Variants in PDCD1LG2 observed in about 807,000 individuals in gnomAD.
PDCD1LG2 encodes programmed cell death 1 ligand 2.
PDCD1LG2 carries 32 observed loss-of-function variants against 28.2 expected under a neutral mutation model. That is an observed-to-expected ratio of 1.13 (90% CI 0.86 to 1.52). The LOEUF (loss-of-function observed/expected upper bound fraction) is 1.52. PDCD1LG2 is among the 40% of genes most tolerant of loss of function. The pLI, the probability that PDCD1LG2 is intolerant of heterozygous loss-of-function variation, is 0.00. For synonymous variants in PDCD1LG2, 116 were observed against 120.2 expected (o/e 0.97, Z 0.23); for missense variants, 385 against 323.8 (o/e 1.19, Z -1.45).
chr9:5,516,968 G>A (rs539674592), intron 1 of PDCD1LG2, among the ~76,000 whole-genome samples: 15 of 152,276 alleles, frequency 9.9e-5, no homozygotes, highest in South Asian at 8.3e-4. Flanking sequence ...TTCCCACCCC[G>A]CCAACTCAGT....
In PDCD1LG2 at chr9:5,516,268, G is replaced by A. The variant is rs370515704; in HGVS notation, c.-15+5465G>A. Among the ~76,000 whole-genome samples, 15 of 152,272 alleles carry A rather than the reference G, an allele frequency of 9.9e-5. No homozygotes were observed. The East Asian group carries it at 2.7e-3, about 28-fold the overall frequency. ...GGGTTTCGCCATGTTGGCCAGGCTG[G>A]TCTCAAACTCCTGACCTCGTGATTT... On this transcript the variant is annotated intron_variant, in intron 1 of 6. Transcript: ENST00000397747.
intron 2 of PDCD1LG2, among the ~76,000 whole-genome samples, chr9:5,531,262 G>T (rs758946086): frequency 6.6e-6 from 1 of 152,160 alleles, no homozygotes; most frequent in Non-Finnish European, 1.5e-5. Context: ...TCAGTGTCTT[G>T]ATTGCCTCTG....
At chr9:5,540,215 C>G (rs12685805) in intron 3 of PDCD1LG2, among the ~76,000 whole-genome samples, 23,567 of 152,040 alleles carry the variant, frequency 0.16, 2,404 homozygotes, top group African/African-American at 0.27. Context: ...CCTATCAAAA[C>G]TCTGGGATAC....
intron 4 of PDCD1LG2, among the ~76,000 whole-genome samples, chr9:5,555,848 G>A (rs558649904): frequency 6.4e-4 from 98 of 152,300 alleles, no homozygotes; most frequent in Non-Finnish European, 1.1e-3. Flanking sequence ...TAACTATAGG[G>A]GAGGCTTGGA....
rs1472571613 is a variant in PDCD1LG2, at chr9:5,535,051, G to A, written c.361+1G>A. On this transcript the variant is annotated splice_donor_variant, in intron 3 of 6. Coordinates refer to ENST00000397747, the MANE Select transcript of PDCD1LG2 (RefSeq NM_025239.4). LOFTEE classifies it high-confidence loss of function. ...AAGTACCTGACTCTGAAAGTCAAAG[G>A]TGAGTGGTGTCAAGGACTAGAATCC... The A allele has an allele frequency of 5.0e-6, 8 of 1,600,090 alleles. No individual in the cohort carries two copies. Among genetic ancestry groups the A allele is most frequent in the South Asian group, 1.1e-5 (1 of 89,562 alleles).
chr9:5,541,087 A>C (rs1027840312), intron 3 of PDCD1LG2, among the ~76,000 whole-genome samples: 2 of 152,230 alleles, frequency 1.3e-5, no homozygotes, highest in Non-Finnish European at 2.9e-5. Context: ...GTGATACACC[A>C]CACAAACAGA....
intron 1 of PDCD1LG2, among the ~76,000 whole-genome samples, chr9:5,511,604 C>T (rs1260356905): frequency 1.3e-5 from 2 of 152,142 alleles, no homozygotes; most frequent in African/African-American, 4.8e-5. Flanking sequence ...TAAAAATATT[C>T]AGTGTGAGCA....
At chr9:5,520,506 C>A (rs1169316071) in intron 1 of PDCD1LG2, among the ~76,000 whole-genome samples, 11 of 152,102 alleles carry the variant, frequency 7.2e-5, no homozygotes, top group Non-Finnish European at 7.4e-5. Flanking sequence ...TGTGGACATC[C>A]AGTTGTCCCT....
Position 5,535,025 on chromosome 9 carries a change from C to A in PDCD1LG2, c.336C>A (p.Tyr112Ter). The A allele has an allele frequency of 3.1e-6, 5 of 1,611,346 alleles. No individual in the cohort carries two copies. Among genetic ancestry groups the A allele is most frequent in the Non-Finnish European group, 4.2e-6 (5 of 1,178,268 alleles). ...TCATCTATGGGGTCGCCTGGGACTA[C>A]AAGTACCTGACTCTGAAAGTCAAAG... The part of the protein sequence containing the change: ...CIIIYGVAWD[Y>*]KYLTLKVKAS... The change falls in exon 3 of 7, where the codon TAC (tyrosine) becomes TAA (stop). Residue 112 changes from tyrosine (Y) to a stop codon, truncating the protein, a stop_gained. Transcript: ENST00000397747. LOFTEE classifies it high-confidence loss of function.
chr9:5,554,933 G>A (rs1335984779), intron 4 of PDCD1LG2, among the ~76,000 whole-genome samples: 1 of 152,154 alleles, frequency 6.6e-6, no homozygotes, highest in Non-Finnish European at 1.5e-5. Flanking sequence ...GTGGTAGACA[G>A]TTTATAGGGT....
chr9:5,538,561 G>A (rs960600547), intron 3 of PDCD1LG2, among the ~76,000 whole-genome samples: 6 of 152,084 alleles, frequency 3.9e-5, no homozygotes, highest in South Asian at 2.1e-4. Context: ...GGTGGCGGGC[G>A]CCTGTAGTCC....
rs374478572 is a variant in PDCD1LG2, at chr9:5,529,024, G to A, written c.56-5721G>A. 2.2e-4 allele frequency among the ~76,000 whole-genome samples: 34 copies of A among 152,242 alleles called. 1 individual carries two copies. The highest frequency in any genetic ancestry group is 1.7e-3 in the Admixed American group (26 of 15,286). On this transcript the variant is annotated intron_variant, in intron 2 of 6. Transcript: ENST00000397747. ...GATTACAGGTGTGAGCCACTGCCAC[G>A]ACCTTAAGAGTTCTTTATTCTAGAT...
chr9:5,547,247 G>GA (rs1280942624), intron 3 of PDCD1LG2, among the ~76,000 whole-genome samples: 1 of 152,124 alleles, frequency 6.6e-6, no homozygotes, highest in Non-Finnish European at 1.5e-5. Context: ...CAATTTAGGA[G>GA]AAAAAAGTTG....
At chr9:5,512,786 C>G (rs16923198) in intron 1 of PDCD1LG2, among the ~76,000 whole-genome samples, 1 of 151,986 alleles carries the variant, frequency 6.6e-6, no homozygotes, top group African/African-American at 2.4e-5. Context: ...ATCAGCTCCC[C>G]ATCTTCTATT....
chr9:5,526,042 G>A (rs1435739473), intron 2 of PDCD1LG2, among the ~76,000 whole-genome samples: 8 of 94,732 alleles, frequency 8.4e-5, no homozygotes, highest in South Asian at 9.5e-4. Context: ...GTGAGACTCC[G>A]TCTCAAAAAA....
chr9:5,529,939 C>T (rs1329300773), intron 2 of PDCD1LG2, among the ~76,000 whole-genome samples: 6 of 152,188 alleles, frequency 3.9e-5, no homozygotes, highest in Non-Finnish European at 5.9e-5. Context: ...AAACCAGGAA[C>T]TTCAGAGTTT....
intron 2 of PDCD1LG2, among the ~76,000 whole-genome samples, chr9:5,523,084 C>G (rs565814435): frequency 6.6e-6 from 1 of 152,150 alleles, no homozygotes; most frequent in South Asian, 2.1e-4. Context: ...CAATAGCAGC[C>G]GTTGGTCATT....
intron 5 of PDCD1LG2, among the ~76,000 whole-genome samples, chr9:5,558,185 A>C (rs993551836): frequency 6.6e-6 from 1 of 152,066 alleles, no homozygotes; most frequent in South Asian, 2.1e-4. Context: ...CCCCTCTCCC[A>C]GGAATCTCAA....
In PDCD1LG2 at chr9:5,570,140, C is replaced by A; in HGVS notation, c.*181C>A. On this transcript the variant is annotated 3_prime_UTR_variant, in exon 7 of 7. Coordinates refer to ENST00000397747, the MANE Select transcript of PDCD1LG2 (RefSeq NM_025239.4). ...AGCCAACACCTGGCCATGAAACTTGCCCCTTCACTGATCTGGACTCACCTC... is the reference window on the plus strand; with the variant it reads ...AGCCAACACCTGGCCATGAAACTTGACCCTTCACTGATCTGGACTCACCTC... 1 of 765,586 alleles carries A rather than the reference C, an allele frequency of 1.3e-6. No homozygotes were observed. The highest frequency in any genetic ancestry group is 2.3e-6 in the Non-Finnish European group (1 of 443,578). 47.4% of individuals were successfully genotyped at this position (765,586 alleles called of 1,614,324 possible). A position where few individuals can be genotyped will look rare whatever the true frequency, so the allele number is the denominator to read the frequency against.
Sources: allele counts gnomAD v4.1 joint callset (sites outside exome capture counted in the v4.1 genomes callset), GRCh38; gene constraint gnomAD v4.1.1; transcripts MANE v1.5; gene names NCBI Gene and HGNC (gene_info 2026-07-23, HGNC 2026-07-21).